The following DPYD variants were observed in gnomAD, a reference collection of about 807,000 sequenced individuals.
DPYD encodes the protein dihydropyrimidine dehydrogenase, also known as dihydropyrimidine dehydrogenase [NADP(+)].
A neutral mutation model predicts 116.2 loss-of-function variants in DPYD; 109 were observed. The observed-to-expected ratio is 0.94, with a 90% CI of 0.80 to 1.10. DPYD has a LOEUF of 1.10. Ranked by LOEUF, DPYD falls within the 50% of genes least tolerant of loss-of-function variation. DPYD has a pLI of 0.00. For synonymous variants in DPYD, 440 were observed against 432.0 expected, an observed-to-expected ratio of 1.02 and a Z score of -0.23; for missense variants, 1,302 against 1,254.5, an observed-to-expected ratio of 1.04 and a Z score of -0.57.
At chr1:97,895,994 A>G (rs1320281291) in intron 1 of DPYD, among the ~76,000 whole-genome samples, 1 of 151,718 alleles carries the variant, frequency 6.6e-6, no homozygotes. Flanking sequence ...CAAGATATAA[A>G]AATATAACAC....
intron 12 of DPYD, among the ~76,000 whole-genome samples, chr1:97,522,496 G>A (rs1258142018): frequency 6.6e-6 from 1 of 152,108 alleles, no homozygotes. Context: ...GCTGAGGTGC[G>A]TGGATCATGA....
At chr1:97,163,050 C>T (rs567891708) in intron 20 of DPYD, among the ~76,000 whole-genome samples, 8 of 151,274 alleles carry the variant, frequency 5.3e-5, no homozygotes, top group East Asian at 1.9e-4. Flanking sequence ...CTAGGCATTA[C>T]CATTCAGGAC....
At chr1:97,202,821 T>C (rs1314547954) in intron 19 of DPYD, among the ~76,000 whole-genome samples, 2 of 152,082 alleles carry the variant, frequency 1.3e-5, no homozygotes, top group Non-Finnish European at 2.9e-5. Context: ...ATAAGAACCA[T>C]ACAGAGACAC....
chr1:97,292,620 G>A (rs1408694813), intron 18 of DPYD, among the ~76,000 whole-genome samples: 1 of 152,130 alleles, frequency 6.6e-6, no homozygotes. Flanking sequence ...TATAAAAAGG[G>A]TGAAACTAAA....
chr1:97,692,562 A>G (rs1055103092), intron 6 of DPYD, among the ~76,000 whole-genome samples: 20 of 152,198 alleles, frequency 1.3e-4, no homozygotes. Context: ...CAATCCATTC[A>G]TTCATTCATT....
chr1:97,825,694 C>T (rs542494260), intron 3 of DPYD, among the ~76,000 whole-genome samples: 1 of 151,620 alleles, frequency 6.6e-6, no homozygotes, highest in South Asian at 2.1e-4. Flanking sequence ...ATGGGTGCAG[C>T]ACACCAACAT....
chr1:97,601,135 T>G (rs1655221556), intron 8 of DPYD, among the ~76,000 whole-genome samples: 1 of 152,140 alleles, frequency 6.6e-6, no homozygotes, highest in African/African-American at 2.4e-5. Context: ...ATTTTCTAAC[T>G]GTAATTGAAT....
chr1:97,402,167 G>C (rs1033859055), intron 14 of DPYD, among the ~76,000 whole-genome samples: 1 of 151,990 alleles, frequency 6.6e-6, no homozygotes, highest in Admixed American at 6.6e-5. Context: ...CACAACTTGC[G>C]GGGATTTCTA....
chr1:97,166,424 G>T (rs1288216235), intron 20 of DPYD, among the ~76,000 whole-genome samples: 1 of 152,018 alleles, frequency 6.6e-6, no homozygotes, highest in Non-Finnish European at 1.5e-5. Context: ...AGAGTGAGGG[G>T]TGGGAGAAAA....
In DPYD at chr1:97,751,012, A is replaced by T. The variant is rs1158334863; in HGVS notation, c.234-10533T>A. Among the ~76,000 whole-genome samples the T allele has an allele frequency of 2.6e-5, 4 of 152,216 alleles. No homozygotes were observed. In the East Asian group the frequency reaches 7.7e-4, roughly 29 times the overall value. ...GACAATGCAAGTGCTGGAGGCACTC[A>T]TTCATTAAGCTGAAACAATAGTGAA... is the stretch of plus-strand genomic sequence containing the variant. On this transcript the variant is annotated intron_variant, in intron 3 of 22. Transcript: ENST00000370192.
chr1:97,874,921 T>G (rs1025343498), intron 2 of DPYD, among the ~76,000 whole-genome samples: 3 of 151,934 alleles, frequency 2.0e-5, no homozygotes, highest in African/African-American at 7.2e-5. Context: ...ATACAAACTT[T>G]CTTATCAGAT....
intron 18 of DPYD, among the ~76,000 whole-genome samples, chr1:97,297,998 C>G (rs192482601): frequency 1.2e-3 from 186 of 152,144 alleles, no homozygotes; most frequent in Non-Finnish European, 1.6e-3. Flanking sequence ...ACTCTGAGAC[C>G]TCAAAGACTG....
chr1:97,403,017 A>T (rs1015000837), intron 14 of DPYD, among the ~76,000 whole-genome samples: 1 of 151,996 alleles, frequency 6.6e-6, no homozygotes, highest in African/African-American at 2.4e-5. Context: ...ATTTGCTAAT[A>T]TTTTGTTGAG....
At chr1:97,239,342 T>C (rs1413227) in intron 18 of DPYD, among the ~76,000 whole-genome samples, 115,459 of 152,092 alleles carry the variant, frequency 0.76, 45,057 homozygotes, top group East Asian at 0.99. Flanking sequence ...ATTTCAGAAA[T>C]GCTATCATTG....
At chr1:97,549,230 C>T (rs148324048) in intron 12 of DPYD, among the ~76,000 whole-genome samples, 356 of 152,140 alleles carry the variant, frequency 2.3e-3, no homozygotes, top group Middle Eastern at 0.01. Flanking sequence ...CCATGCCCAT[C>T]TAATTTTTTA....
chr1:97,392,998 A>C lies in DPYD; in HGVS notation c.1906-10537T>G, dbSNP rs141595460. Reference sequence around the variant, plus strand: ...ATTCTATCCAGACCACTAAAATGTTATCCAGACCACTAAAATGTTCTCCAT... The same window carrying C: ...ATTCTATCCAGACCACTAAAATGTTCTCCAGACCACTAAAATGTTCTCCAT... On this transcript the variant is annotated intron_variant, in intron 14 of 22. Transcript: ENST00000370192. Among the ~76,000 whole-genome samples the C allele has an allele frequency of 1.6e-3, 240 of 152,160 alleles. 1 individual carries two copies. Among genetic ancestry groups the C allele is most frequent in the African/African-American group, 5.6e-3 (232 of 41,552 alleles).
At chr1:97,427,543 G>A (rs553220083) in intron 14 of DPYD, among the ~76,000 whole-genome samples, 1 of 151,968 alleles carries the variant, frequency 6.6e-6, no homozygotes, top group East Asian at 1.9e-4. Flanking sequence ...TAATCTTCAT[G>A]CCCCAAGTGC....
chr1:97,240,295 T>G (rs1047869929), intron 18 of DPYD, among the ~76,000 whole-genome samples: 1 of 151,918 alleles, frequency 6.6e-6, no homozygotes, highest in East Asian at 1.9e-4. Context: ...ATATCTGAAC[T>G]CAAGTTTATT....
chr1:97,146,656 G>A (rs1190619777), intron 20 of DPYD, among the ~76,000 whole-genome samples: 1 of 152,044 alleles, frequency 6.6e-6, no homozygotes, highest in Non-Finnish European at 1.5e-5. Context: ...TAAACCTTAC[G>A]GAACCTTTTT....
Sources: allele counts gnomAD v4.1 joint callset (sites outside exome capture counted in the v4.1 genomes callset), GRCh38; gene constraint gnomAD v4.1.1; transcripts MANE v1.5; gene names NCBI Gene and HGNC (gene_info 2026-07-23, HGNC 2026-07-21).